Variants in CEP44 observed in about 807,000 individuals in gnomAD.
CEP44 encodes centrosomal protein 44.
CEP44 carries 45 observed loss-of-function variants against 46.7 expected under a neutral mutation model. That is an observed-to-expected ratio of 0.96 (90% CI 0.76 to 1.24). CEP44 has a LOEUF of 1.24. Among genes scored for constraint, CEP44 ranks in the 50% most tolerant of loss-of-function variants. The pLI, the probability that CEP44 is intolerant of heterozygous loss-of-function variation, is 0.00. For synonymous variants in CEP44, 142 were observed against 146.0 expected (o/e 0.97, Z 0.20); for missense variants, 475 against 459.7 (o/e 1.03, Z -0.30).
intron 3 of CEP44, 89 bp downstream of exon 3, chr4:174,299,299 AT>A: frequency 1.0e-6 from 1 of 997,704 alleles, no homozygotes; most frequent in Non-Finnish European, 1.5e-6. Flanking sequence ...GAAAAATCAG[AT>A]TTTACCTGGT....
Position 174,309,877 on chromosome 4 carries a change from G to T in CEP44, c.706G>T (p.Ala236Ser), listed in dbSNP as rs1740869258. 5 of 1,609,076 alleles carry T rather than the reference G, an allele frequency of 3.1e-6. No individual in the cohort carries two copies. The African/African-American group carries it at 6.7e-5, about 22-fold the overall frequency. The part of the protein sequence containing the change: ...QDVNVNPEIT[A>S]LQTMLAECQE... ...TGTAAATGTTAATCCTGAGATTACT[G>T]CACTACAAACTATGCTTGCTGAATG... Residue 236 changes from alanine to serine, a missense_variant, in exon 8 of 12, where the codon GCA becomes TCA. Physicochemically the swap from Ala to Ser is moderately conservative, Grantham distance 99 (BLOSUM62 1). Coordinates refer to ENST00000503780, the MANE Select transcript of CEP44 (RefSeq NM_001040157.3). This position sits in a 1 kb window ranked among gnomAD's most constrained non-coding sequence, Gnocchi z 5.3.
At chr4:174,313,877 G>A (rs1273782398) in intron 9 of CEP44, among the ~76,000 whole-genome samples, 1 of 152,080 alleles carries the variant, frequency 6.6e-6, no homozygotes, top group African/African-American at 2.4e-5. Context: ...TTCAGGAAGA[G>A]GAGAAGGTTT....
intron 8 of CEP44, among the ~76,000 whole-genome samples, chr4:174,330,195 A>C (rs1334217111): frequency 6.6e-6 from 1 of 152,078 alleles, no homozygotes; most frequent in Non-Finnish European, 1.5e-5. Context: ...GTGTTTATTA[A>C]AAATGAAGAT....
chr4:174,305,283 A>G (rs1373431338), intron 6 of CEP44, among the ~76,000 whole-genome samples: 1 of 152,106 alleles, frequency 6.6e-6, no homozygotes, highest in Admixed American at 6.5e-5. Flanking sequence ...GCGAAACCCC[A>G]TTTCTACTAA....
rs1166722030 is a variant in CEP44, at chr4:174,320,057, A to G, written c.*2674A>G. ...TGGTTGAAAAAACACTGTACTACCA[A>G]CAAAGGTGTCAGTTGCTTGTGCTGC... On this transcript the variant is annotated 3_prime_UTR_variant, in exon 12 of 12. Coordinates refer to ENST00000503780, the MANE Select transcript of CEP44 (RefSeq NM_001040157.3). 1 of 985,212 alleles carries G rather than the reference A, an allele frequency of 1.0e-6. No individual in the cohort carries two copies. The highest frequency in any genetic ancestry group is 4.7e-5 in the South Asian group (1 of 21,268). The allele number at this position is 985,212 out of a possible 1,614,324, so 61.0% of individuals were successfully genotyped here. A position where few individuals can be genotyped will look rare whatever the true frequency, so the allele number is the denominator to read the frequency against.
rs1005946737 is a variant in CEP44 at position 174,317,638 on chromosome 4, G to A, written c.*255G>A. The A allele has an allele frequency of 1.7e-5, 18 of 1,047,038 alleles. No individual in the cohort carries two copies. Among genetic ancestry groups the A allele is most frequent in the South Asian group, 4.5e-5 (1 of 22,252 alleles). 64.9% of individuals were successfully genotyped at this position (1,047,038 alleles called of 1,614,324 possible). A position where few individuals can be genotyped will look rare whatever the true frequency, so the allele number is the denominator to read the frequency against. On this transcript the variant is annotated 3_prime_UTR_variant, in exon 12 of 12. Transcript: ENST00000503780. ...TGTTCCAGTATATTTCTCTTACAGA[G>A]TGAAGTCATTACAGCACTGTATTTC... is the stretch of plus-strand genomic sequence containing the variant.
At chr4:174,321,564 A>G (rs1742318111), downstream of CEP44, among the ~76,000 whole-genome samples, 1 of 152,120 alleles carries the variant, frequency 6.6e-6, no homozygotes, top group Admixed American at 6.6e-5. Context: ...ATCTGTGTTT[A>G]TGTTGAAAAA....
chr4:174,323,389 T>C (rs1285586154), downstream of CEP44, among the ~76,000 whole-genome samples: 3 of 152,124 alleles, frequency 2.0e-5, no homozygotes, highest in South Asian at 4.1e-4. Flanking sequence ...TACATTCATA[T>C]AGCCACCACC....
chr4:174,323,765 T>A (rs1007348187), downstream of CEP44, among the ~76,000 whole-genome samples: 15 of 151,912 alleles, frequency 9.9e-5, no homozygotes, highest in South Asian at 1.5e-3. Context: ...GAGGGTGGAG[T>A]TTTTGGCCTT....
At position 174,319,187 on chromosome 4, in the gene CEP44, AAC is replaced by A; in HGVS notation, c.*1806_*1807del. On this transcript the variant is annotated 3_prime_UTR_variant, in exon 12 of 12. Transcript: ENST00000503780. ...TACAGAAACATACAATTTTGAATTT[AAC>A]AGAGTTTCAGTAAATATTTCCAGAA... The A allele has an allele frequency of 1.0e-6, 1 of 978,464 alleles. No homozygotes were observed. The highest frequency in any genetic ancestry group is 5.2e-4 in the Middle Eastern group (1 of 1,906). The allele number at this position is 978,464 out of a possible 1,614,324, so 60.6% of individuals were successfully genotyped here.
chr4:174,284,782 T>A (rs1737379299), intron 1 of CEP44, among the ~76,000 whole-genome samples: 1 of 152,226 alleles, frequency 6.6e-6, no homozygotes, highest in African/African-American at 2.4e-5. Context: ...CCTAATATCT[T>A]TTGCAGTTTC....
chr4:174,293,957 A>G (rs4695917), intron 1 of CEP44, among the ~76,000 whole-genome samples: 151,959 of 152,248 alleles, frequency 1, 75,835 homozygotes, highest in Middle Eastern at 1. Context: ...CATTCTAATA[A>G]GTGTGTAGTG....
At chr4:174,324,040 G>A (rs1478522542), downstream of CEP44, among the ~76,000 whole-genome samples, 1 of 152,178 alleles carries the variant, frequency 6.6e-6, no homozygotes, top group Non-Finnish European at 1.5e-5. Flanking sequence ...AGTTAAGTTT[G>A]ATAGGCCTAA....
intron 1 of CEP44, 127 bp downstream of exon 1, chr4:174,284,070 G>C (rs931319718): frequency 5.0e-6 from 2 of 398,952 alleles, no homozygotes; most frequent in African/African-American, 4.1e-5. Flanking sequence ...GTGTATGGTT[G>C]CATATGCTCC....
At chr4:174,302,972 G>T (rs534199579) in intron 4 of CEP44, among the ~76,000 whole-genome samples, 3 of 151,694 alleles carry the variant, frequency 2.0e-5, no homozygotes, top group African/African-American at 7.3e-5. Context: ...TTAGTAGAGA[G>T]GGTTTCACCA....
rs2126483621 is a variant in CEP44 at position 174,286,965 on chromosome 4, G to T, written c.-148+3022G>T. ...ATTTACTCTTTCTGTAAAAAGCATA[G>T]ATATTTTGAATTTCTTGCCTTTTTT... On this transcript the variant is annotated intron_variant, in intron 1 of 11. Coordinates refer to ENST00000503780, the MANE Select transcript of CEP44 (RefSeq NM_001040157.3). This position sits in a 1 kb window ranked among gnomAD's most constrained non-coding sequence, Gnocchi z 5.2. Among the ~76,000 whole-genome samples the T allele has an allele frequency of 6.6e-6, 1 of 152,292 alleles. No homozygotes were observed. The highest frequency in any genetic ancestry group is 2.4e-5 in the African/African-American group (1 of 41,558).
Position 174,316,294 on chromosome 4 carries a change from A to G in CEP44, c.1086+4A>G. ...TGGTTTGAATGAGATTTCAGAGGTA[A>G]GAAAATGCTTAGATTATTTCCTTTC... On this transcript the variant is annotated splice_donor_region_variant and intron_variant, in intron 10 of 11. Coordinates refer to ENST00000503780, the MANE Select transcript of CEP44 (RefSeq NM_001040157.3). 6.2e-7 allele frequency: 1 copy of G among 1,608,156 alleles called. No individual in the cohort carries two copies. The highest frequency in any genetic ancestry group is 8.5e-7 in the Non-Finnish European group (1 of 1,175,336).
intron 1 of CEP44, among the ~76,000 whole-genome samples, chr4:174,295,782 T>A (rs1403333479): frequency 6.6e-6 from 1 of 152,248 alleles, no homozygotes; most frequent in Non-Finnish European, 1.5e-5. Context: ...TAGTGAGATA[T>A]CTGTTAACAT....
chr4:174,329,741 T>C lies in CEP44; in HGVS notation c.1087-1741T>C, dbSNP rs755739771. The stretch of plus-strand genomic sequence containing the variant: ...TTCTCTAATTTAGTTAAAAAAATAT[T>C]AATGAATATATGTTAACCTTCAGGC... On this transcript the variant is annotated intron_variant, in intron 8 of 8. Transcript: ENST00000426172. The surrounding 1 kb of genome is among the most constrained non-coding windows in gnomAD (Gnocchi z 4.0). Among the ~76,000 whole-genome samples the C allele has an allele frequency of 2.0e-5, 3 of 152,154 alleles. No individual in the cohort carries two copies. The highest frequency in any genetic ancestry group is 2.9e-5 in the Non-Finnish European group (2 of 68,008).
Sources: gnomAD v4.1 joint callset for allele counts (sites outside exome capture counted in the v4.1 genomes callset) on GRCh38, gnomAD v4.1.1 for gene constraint, Gnocchi (gnomAD v3.1) non-coding constraint, MANE v1.5 for transcripts, NCBI Gene and HGNC (gene_info 2026-07-23, HGNC 2026-07-21) for gene names.